The following MTA1 variants were observed in gnomAD, a reference collection of about 807,000 sequenced individuals.
The protein encoded by MTA1 is metastasis associated 1, also known as metastasis-associated protein MTA1.
A neutral mutation model predicts 97.0 loss-of-function variants in MTA1; 15 were observed. The observed-to-expected ratio is 0.15, with a 90% confidence interval of 0.10 to 0.24. The LOEUF (loss-of-function observed/expected upper bound fraction) is 0.24, where lower values mean the gene tolerates loss of function less well. Ranked by LOEUF, MTA1 falls within the 10% of genes least tolerant of loss-of-function variation. The pLI, the probability that MTA1 is intolerant of heterozygous loss-of-function variation, is 1.00. For missense variants in MTA1, 709 were observed against 1,015.1 expected, an observed-to-expected ratio of 0.70 and a Z score of 4.10; for synonymous variants, 435 against 417.5, an observed-to-expected ratio of 1.04 and a Z score of -0.51.
chr14:105,466,397 A>T, intron 16 of MTA1, 29 bp from the exon 17 acceptor site: 1 of 1,544,304 alleles, frequency 6.5e-7, no homozygotes, highest in Non-Finnish European at 8.8e-7. Flanking sequence ...GGCAGAGGCA[A>T]CTCGTTCTGC....
chr14:105,435,161 G>C (rs2082293090), intron 1 of MTA1, among the ~76,000 whole-genome samples: 1 of 152,162 alleles, frequency 6.6e-6, no homozygotes, highest in Admixed American at 6.5e-5. Context: ...TGTTTGCTCA[G>C]AGTTTAATAG....
chr14:105,429,447 G>A (rs1447510939), intron 1 of MTA1, among the ~76,000 whole-genome samples: 3 of 150,848 alleles, frequency 2.0e-5, no homozygotes, highest in Non-Finnish European at 4.4e-5. Context: ...CACCACACCC[G>A]GCTAATTTTT....
chr14:105,430,529 C>T (rs1395073044), intron 1 of MTA1, among the ~76,000 whole-genome samples: 1 of 152,134 alleles, frequency 6.6e-6, no homozygotes, highest in Non-Finnish European at 1.5e-5. Context: ...CAAAACGTGA[C>T]AGCAACACGT....
In MTA1 at chr14:105,460,960, A is replaced by G. The variant is rs200954685; in HGVS notation, c.942+7A>G. 257 of 1,605,708 alleles carry G rather than the reference A, an allele frequency of 1.6e-4. 2 individuals are homozygous for G. In the Middle Eastern group the frequency reaches 2.5e-3, roughly 16 times the overall value. The stretch of plus-strand genomic sequence containing the variant: ...GGACATTCAGCAAGATTTTGTGAGT[A>G]CCGTGGGTGGCGATGGGGGAGTGGC... On this transcript the variant is annotated splice_region_variant and intron_variant, in intron 10 of 20. Coordinates refer to ENST00000331320, the MANE Select transcript of MTA1 (RefSeq NM_004689.4).
chr14:105,460,517 G>A (rs2083309482), intron 9 of MTA1, 60 bp downstream of exon 9: 1 of 1,486,228 alleles, frequency 6.7e-7, no homozygotes, highest in Non-Finnish European at 9.0e-7. Flanking sequence ...CAGAGTGGCT[G>A]CGCCCTTCTT....
intron 2 of MTA1, among the ~76,000 whole-genome samples, chr14:105,442,156 G>A (rs189575274): frequency 2.6e-4 from 40 of 152,318 alleles, no homozygotes; most frequent in Middle Eastern, 6.8e-3. Flanking sequence ...TTTAGAACAC[G>A]GGAGAAGAAA....
At chr14:105,437,518 T>C (rs2082368149) in intron 1 of MTA1, among the ~76,000 whole-genome samples, 1 of 151,856 alleles carries the variant, frequency 6.6e-6, no homozygotes, top group Non-Finnish European at 1.5e-5. Context: ...CTCACTGGCG[T>C]GTCCTCAGGG....
At chr14:105,456,328 TG>T (rs1417255332) in intron 7 of MTA1, among the ~76,000 whole-genome samples, 1 of 152,222 alleles carries the variant, frequency 6.6e-6, no homozygotes, top group Non-Finnish European at 1.5e-5. Context: ...CCAGTGGGCC[TG>T]TCAGGAGAAT....
At chr14:105,438,629 C>T (rs1467037010) in intron 1 of MTA1, 43 bp from the exon 2 acceptor site, 2 of 1,593,250 alleles carry the variant, frequency 1.3e-6, no homozygotes, top group Admixed American at 1.7e-5. Flanking sequence ...CTGGGTCTGG[C>T]CTTTGGTGCC....
rs1231005558 is a variant in MTA1 at position 105,450,450 on chromosome 14, G to C, written c.432+126G>C. 5 of 1,096,098 alleles carry C rather than the reference G, an allele frequency of 4.6e-6. No homozygotes were observed. In the Admixed American group the frequency reaches 1.4e-4, roughly 31 times the overall value. The allele number at this position is 1,096,098 out of a possible 1,614,324, so 67.9% of individuals were successfully genotyped here. On this transcript the variant is annotated intron_variant, in intron 6 of 20. Transcript: ENST00000331320. Reference sequence around the variant, plus strand: ...CCTCCCTCTAGGCCCAGGCTGTTCTGGGGGGAAGCGGGGATTGCGTCCTGA... The same window carrying C: ...CCTCCCTCTAGGCCCAGGCTGTTCTCGGGGGAAGCGGGGATTGCGTCCTGA...
rs587745450 is a variant in MTA1 at position 105,441,619 on chromosome 14, T to A, written c.96+2880T>A. Among the ~76,000 whole-genome samples, 4 of 152,062 alleles carry A rather than the reference T, an allele frequency of 2.6e-5. No homozygotes were observed. In the East Asian group the frequency reaches 5.8e-4, roughly 22 times the overall value. ...ACCATCCTGGCTAATACGGTGAAAC[T>A]CCGTCTCTACTAAAAATACAAAAAA... On this transcript the variant is annotated intron_variant, in intron 2 of 20. Coordinates refer to ENST00000331320, the MANE Select transcript of MTA1 (RefSeq NM_004689.4).
At chr14:105,426,263 G>A (rs2082009095) in intron 1 of MTA1, among the ~76,000 whole-genome samples, 1 of 151,772 alleles carries the variant, frequency 6.6e-6, no homozygotes, top group African/African-American at 2.4e-5. Flanking sequence ...CAGGGCAGCG[G>A]CAGCGGCTCC....
At chr14:105,431,802 C>T (rs587712138) in intron 1 of MTA1, among the ~76,000 whole-genome samples, 1 of 151,330 alleles carries the variant, frequency 6.6e-6, no homozygotes, top group Non-Finnish European at 1.5e-5. Flanking sequence ...TTTTTTGTAT[C>T]TTTAGTAGAG....
chr14:105,420,928 C>T lies in MTA1; in HGVS notation c.28+865C>T, dbSNP rs1555420741. 6.6e-6 allele frequency among the ~76,000 whole-genome samples: 1 copy of T among 152,192 alleles called. No individual in the cohort carries two copies. Among genetic ancestry groups the T allele is most frequent in the African/African-American group, 2.4e-5 (1 of 41,450 alleles). On this transcript the variant is annotated intron_variant, in intron 1 of 20. Coordinates refer to ENST00000331320, the MANE Select transcript of MTA1 (RefSeq NM_004689.4). This position sits in a 1 kb window ranked among gnomAD's most constrained non-coding sequence, Gnocchi z 5.3. ...CCTCCCTGCCTGTGACCCTCTCGGGCAGGTGCTCATTACCTTTCCCACCTG... is the reference window on the plus strand; with the variant it reads ...CCTCCCTGCCTGTGACCCTCTCGGGTAGGTGCTCATTACCTTTCCCACCTG...
Position 105,419,949 on chromosome 14 carries a change from GCC to G in MTA1, c.-83_-82del, listed in dbSNP as rs1595231121. 2.6e-6 allele frequency: 1 copy of G among 386,368 alleles called. No homozygotes were observed. Among genetic ancestry groups the G allele is most frequent in the Non-Finnish European group, 3.4e-6 (1 of 293,270 alleles). The allele number at this position is 386,368 out of a possible 1,614,324, so 23.9% of individuals were successfully genotyped here. A position where few individuals can be genotyped will look rare whatever the true frequency, so the allele number is the denominator to read the frequency against. ...CCTTTAAACGCCTGCGGCGCCCCCC[GCC>G]CCCGCCATCGCGCCTCCATTTTCCC... On this transcript the variant is annotated 5_prime_UTR_variant, in exon 1 of 21. Transcript: ENST00000331320.
At chr14:105,441,978 G>A (rs1427700414) in intron 2 of MTA1, among the ~76,000 whole-genome samples, 2 of 152,112 alleles carry the variant, frequency 1.3e-5, no homozygotes, top group African/African-American at 4.8e-5. Flanking sequence ...TGAAATGAAA[G>A]GATCAGGTGA....
In MTA1 at chr14:105,422,620, A is replaced by T. The variant is rs587760609; in HGVS notation, c.28+2557A>T. 1.3e-5 allele frequency among the ~76,000 whole-genome samples: 2 copies of T among 152,326 alleles called. No individual in the cohort carries two copies. Among genetic ancestry groups the T allele is most frequent in the African/African-American group, 4.8e-5 (2 of 41,580 alleles). On this transcript the variant is annotated intron_variant, in intron 1 of 20. Transcript: ENST00000331320. The surrounding 1 kb of genome is among the most constrained non-coding windows in gnomAD (Gnocchi z 4.3). ...TAAACAGAAATTTATTAGTGTAAGT[A>T]TGTCCCAAATATGGCATGGGACATA...
rs782200339 is a variant in MTA1, at chr14:105,465,198, G to A, written c.1624+15G>A. The A allele has an allele frequency of 1.1e-5, 16 of 1,502,318 alleles. No homozygotes were observed. Among genetic ancestry groups the A allele is most frequent in the Admixed American group, 6.2e-5 (3 of 48,080 alleles). The allele number at this position is 1,502,318 out of a possible 1,614,324, so 93.1% of individuals were successfully genotyped here. A position where few individuals can be genotyped will look rare whatever the true frequency, so the allele number is the denominator to read the frequency against. ...TCGGTATCTTGGTGAGCAGCCAGGC[G>A]TGCTGGGGGGCTCCCAATGCTGCCT... is the stretch of plus-strand genomic sequence containing the variant. On this transcript the variant is annotated intron_variant, in intron 16 of 20. Transcript: ENST00000331320.
rs1461213411 is a variant in MTA1, at chr14:105,463,859, C to CCATGCTAGGGGGAGCACGGGGGCCTGGG, written c.1077-173_1077-172insCATGCTAGGGGGAGCACGGGGGCCTGGG. 49 of 708,612 alleles carry CCATGCTAGGGGGAGCACGGGGGCCTGGG rather than the reference C, an allele frequency of 6.9e-5. No individual in the cohort carries two copies. The highest frequency in any genetic ancestry group is 3.4e-4 in the African/African-American group (19 of 55,668). The allele number at this position is 708,612 out of a possible 1,614,324, so 43.9% of individuals were successfully genotyped here. A position where few individuals can be genotyped will look rare whatever the true frequency, so the allele number is the denominator to read the frequency against. ...GGGGCCTGGAGAACGGCTCAGACCT[C>CCATGCTAGGGGGAGCACGGGGGCCTGGG]AGCAGTGGCTCCCAGGAACTGAAAG... is the stretch of plus-strand genomic sequence containing the variant. On this transcript the variant is annotated intron_variant, in intron 12 of 20. Coordinates refer to ENST00000331320, the MANE Select transcript of MTA1 (RefSeq NM_004689.4). The surrounding 1 kb of genome is among the most constrained non-coding windows in gnomAD (Gnocchi z 5.9).
Sources: gnomAD v4.1 joint callset for allele counts (sites outside exome capture counted in the v4.1 genomes callset) on GRCh38, gnomAD v4.1.1 for gene constraint, Gnocchi (gnomAD v3.1) non-coding constraint, MANE v1.5 for transcripts, NCBI Gene and HGNC (gene_info 2026-07-23, HGNC 2026-07-21) for gene names.